Variants in CCSER1 observed in about 807,000 individuals in gnomAD.
CCSER1 encodes coiled-coil serine rich protein 1, also known as serine-rich coiled-coil domain-containing protein 1.
CCSER1 carries 41 observed loss-of-function variants against 82.0 expected under a neutral mutation model. That is an observed-to-expected ratio of 0.50 (90% CI 0.39 to 0.65). The LOEUF is 0.65. CCSER1 is among the 30% of genes least tolerant of loss of function. The pLI, the probability that CCSER1 is intolerant of heterozygous loss-of-function variation, is 0.00. For synonymous variants in CCSER1, 414 were observed against 383.9 expected (o/e 1.08, Z -0.92); for missense variants, 1,119 against 1,064.2 (o/e 1.05, Z -0.72).
chr4:91,221,613 C>A (rs181118541), intron 10 of CCSER1, among the ~76,000 whole-genome samples: 10 of 152,132 alleles, frequency 6.6e-5, no homozygotes, highest in Admixed American at 6.6e-4. Flanking sequence ...ATAATAACTT[C>A]ATCAGGTCAA....
intron 5 of CCSER1, among the ~76,000 whole-genome samples, chr4:90,608,006 T>C (rs1191584423): frequency 6.6e-6 from 1 of 152,222 alleles, no homozygotes; most frequent in Admixed American, 6.5e-5. Context: ...TATTTAGTAA[T>C]GTTGACTCCT....
At chr4:91,130,521 T>A (rs925946654) in intron 10 of CCSER1, among the ~76,000 whole-genome samples, 1 of 151,862 alleles carries the variant, frequency 6.6e-6, no homozygotes, top group African/African-American at 2.4e-5. Context: ...TTCTTCATCC[T>A]CATGGTAATC....
At chr4:90,323,363 T>G (rs1472497785) in intron 3 of CCSER1, among the ~76,000 whole-genome samples, 1 of 152,204 alleles carries the variant, frequency 6.6e-6, no homozygotes, top group Non-Finnish European at 1.5e-5. Context: ...CAAAGTTATT[T>G]GGGACCCCAT....
chr4:90,609,615 G>A (rs1026796157), intron 5 of CCSER1, among the ~76,000 whole-genome samples: 16 of 152,098 alleles, frequency 1.1e-4, no homozygotes, highest in African/African-American at 3.6e-4. Flanking sequence ...TCAGTATGTG[G>A]TATCTTATAT....
intron 3 of CCSER1, among the ~76,000 whole-genome samples, chr4:90,349,081 T>C (rs979406334): frequency 6.6e-5 from 10 of 152,106 alleles, no homozygotes; most frequent in African/African-American, 2.4e-4. Flanking sequence ...GAGGCCAAAC[T>C]GTAAGGGATT....
chr4:91,163,988 A>G (rs762955152), intron 10 of CCSER1, among the ~76,000 whole-genome samples: 4 of 152,084 alleles, frequency 2.6e-5, no homozygotes, highest in Non-Finnish European at 2.9e-5. Context: ...TTAGCTGATT[A>G]TTTTGCTCGT....
At chr4:91,048,807 C>T (rs1742744752) in intron 9 of CCSER1, among the ~76,000 whole-genome samples, 1 of 152,060 alleles carries the variant, frequency 6.6e-6, no homozygotes, top group Non-Finnish European at 1.5e-5. Flanking sequence ...CATAGTTATC[C>T]ATTCCAAACT....
intron 5 of CCSER1, among the ~76,000 whole-genome samples, chr4:90,574,761 T>A (rs1780548145): frequency 6.6e-6 from 1 of 151,778 alleles, no homozygotes; most frequent in Non-Finnish European, 1.5e-5. Flanking sequence ...ATAATGACAT[T>A]TTGGTGTTTT....
At chr4:91,090,537 A>G (rs1029880895) in intron 10 of CCSER1, among the ~76,000 whole-genome samples, 1 of 152,192 alleles carries the variant, frequency 6.6e-6, no homozygotes, top group Non-Finnish European at 1.5e-5. Context: ...CTAGCTATGC[A>G]ATATTGTCCA....
intron 10 of CCSER1, among the ~76,000 whole-genome samples, chr4:91,148,157 C>T (rs1166033039): frequency 2.0e-5 from 3 of 152,124 alleles, no homozygotes; most frequent in South Asian, 2.1e-4. Context: ...ATATGTAGTG[C>T]AAAACCTTTA....
chr4:91,023,207 A>G (rs1284397194), intron 9 of CCSER1, among the ~76,000 whole-genome samples: 2 of 152,314 alleles, frequency 1.3e-5, no homozygotes, highest in Non-Finnish European at 1.5e-5. Context: ...GGAAGAATCA[A>G]TATCGTGAAA....
intron 10 of CCSER1, among the ~76,000 whole-genome samples, chr4:91,139,838 T>A (rs1728857957): frequency 6.6e-6 from 1 of 152,198 alleles, no homozygotes; most frequent in Admixed American, 6.5e-5. Flanking sequence ...ACCTTTTGTA[T>A]AGATATGCCA....
At chr4:90,716,494 T>C (rs1741662376) in intron 6 of CCSER1, among the ~76,000 whole-genome samples, 1 of 152,136 alleles carries the variant, frequency 6.6e-6, no homozygotes, top group South Asian at 2.1e-4. Flanking sequence ...TGTTAGCCAA[T>C]TCTAAATTTT....
intron 5 of CCSER1, among the ~76,000 whole-genome samples, chr4:90,472,519 G>A (rs192350195): frequency 3.6e-4 from 55 of 152,172 alleles, no homozygotes; most frequent in Admixed American, 3.3e-3. Context: ...TAACTAAATC[G>A]TTAAGAAGGA....
Position 90,377,717 on chromosome 4 carries a change from A to G in CCSER1, c.1510-22319A>G, listed in dbSNP as rs529473572. ...TGAATATTATGTTTTACTAAGATGT[A>G]GGAAACCCCATGTAACTCAATGTAA... On this transcript the variant is annotated intron_variant, in intron 3 of 10. Transcript: ENST00000509176. 3.3e-5 allele frequency among the ~76,000 whole-genome samples: 5 copies of G among 152,244 alleles called. No individual in the cohort carries two copies. In the South Asian group the frequency reaches 6.2e-4, roughly 19 times the overall value.
Position 90,735,022 on chromosome 4 carries a change from T to C in CCSER1, c.2010+11031T>C, listed in dbSNP as rs538501795. Among the ~76,000 whole-genome samples the C allele has an allele frequency of 5.8e-4, 88 of 152,310 alleles. No homozygotes were observed. In the South Asian group the frequency reaches 7.5e-3, roughly 13 times the overall value. On this transcript the variant is annotated intron_variant, in intron 7 of 10. Transcript: ENST00000509176. The stretch of plus-strand genomic sequence containing the variant: ...CTTCTATACTCAGTTTTTTAGGGTT[T>C]TTATCATGAAAGAGTGTGGAATTTT...
chr4:90,991,016 T>C (rs937358451), intron 9 of CCSER1, among the ~76,000 whole-genome samples: 1 of 151,926 alleles, frequency 6.6e-6, no homozygotes, highest in African/African-American at 2.4e-5. Flanking sequence ...TTTCAAAGAC[T>C]AATTTTTAGG....
At chr4:90,841,946 T>C (rs956028609) in intron 8 of CCSER1, among the ~76,000 whole-genome samples, 3 of 152,210 alleles carry the variant, frequency 2.0e-5, no homozygotes, top group Admixed American at 6.5e-5. Context: ...AATAGGAACT[T>C]ATTGTGTTTA....
intron 1 of CCSER1, among the ~76,000 whole-genome samples, chr4:90,307,007 A>G (rs1303590591): frequency 3.3e-5 from 5 of 152,206 alleles, no homozygotes; most frequent in Admixed American, 2.0e-4. Context: ...TGAATGCAGT[A>G]TGTATCATGC....
Sources: gnomAD v4.1 joint callset for allele counts (sites outside exome capture counted in the v4.1 genomes callset) on GRCh38, gnomAD v4.1.1 for gene constraint, MANE v1.5 for transcripts, NCBI Gene and HGNC (gene_info 2026-07-23, HGNC 2026-07-21) for gene names.